The following SRGAP1 variants were observed in gnomAD, a reference collection of about 807,000 sequenced individuals.
The protein encoded by SRGAP1 is SLIT-ROBO Rho GTPase activating protein 1, also known as SLIT-ROBO Rho GTPase-activating protein 1.
SRGAP1 carries 43 observed loss-of-function variants against 121.9 expected under a neutral mutation model. That is an observed-to-expected ratio of 0.35 (90% confidence interval 0.28 to 0.46). The LOEUF (loss-of-function observed/expected upper bound fraction) is 0.46, where lower values mean the gene tolerates loss of function less well. Ranked by LOEUF, SRGAP1 falls within the 20% of genes least tolerant of loss-of-function variation. The probability of loss-of-function intolerance (pLI) is 1.00; values close to 1 mark genes in which losing one functional copy is unlikely to be tolerated. For synonymous variants in SRGAP1, 447 were observed against 485.4 expected (o/e 0.92, Z 1.04); for missense variants, 1,102 against 1,350.9 (o/e 0.82, Z 2.89).
chr12:63,962,896 G>A (rs1293736432), intron 1 of SRGAP1, among the ~76,000 whole-genome samples: 1 of 152,034 alleles, frequency 6.6e-6, no homozygotes, highest in African/African-American at 2.4e-5. Flanking sequence ...AATCATAAAA[G>A]CATAAAATTA....
intron 1 of SRGAP1, among the ~76,000 whole-genome samples, chr12:63,974,769 C>T (rs941835154): frequency 6.6e-6 from 1 of 152,154 alleles, no homozygotes; most frequent in Non-Finnish European, 1.5e-5. Flanking sequence ...TTCCTTAAGA[C>T]AGTGACCTGG....
At chr12:63,893,437 C>T (rs1028685198) in intron 1 of SRGAP1, among the ~76,000 whole-genome samples, 3 of 152,096 alleles carry the variant, frequency 2.0e-5, no homozygotes, top group African/African-American at 7.2e-5. Context: ...TGCAAGGTGG[C>T]AAGGGTTTCA....
rs1555168795 is a variant in SRGAP1, at chr12:64,041,358, A to ATTTT, written c.490-1431_490-1428dup. Among the ~76,000 whole-genome samples, 15 of 138,016 alleles carry ATTTT rather than the reference A, an allele frequency of 1.1e-4. No individual in the cohort carries two copies. The South Asian group carries it at 1.6e-3, about 15-fold the overall frequency. The allele number at this position is 138,016 out of a possible 152,430, so 90.5% of individuals were successfully genotyped here. A position where few individuals can be genotyped will look rare whatever the true frequency, so the allele number is the denominator to read the frequency against. ...AGAGAGAAATCATATATGGCATTTT[A>ATTTT]TTTTATTTATTTATTTATTTATTTA... On this transcript the variant is annotated intron_variant, in intron 4 of 21. Transcript: ENST00000355086.
intron 1 of SRGAP1, among the ~76,000 whole-genome samples, chr12:63,936,121 T>A (rs916650651): frequency 2.0e-5 from 3 of 152,016 alleles, no homozygotes; most frequent in Admixed American, 6.5e-5. Context: ...GTTATTTTTT[T>A]AAAAAGAGAC....
chr12:64,069,448 T>C (rs1176141919), intron 8 of SRGAP1, among the ~76,000 whole-genome samples: 1 of 152,216 alleles, frequency 6.6e-6, no homozygotes, highest in Non-Finnish European at 1.5e-5. Context: ...TTGAGTTTTA[T>C]TTTATGCTGC....
chr12:64,103,207 C>A (rs2036287403), intron 15 of SRGAP1, among the ~76,000 whole-genome samples: 1 of 152,118 alleles, frequency 6.6e-6, no homozygotes, highest in African/African-American at 2.4e-5. Flanking sequence ...GTCTTGAACT[C>A]CTGGACTCAA....
chr12:64,034,724 T>C (rs2034860208), intron 4 of SRGAP1, among the ~76,000 whole-genome samples: 1 of 152,110 alleles, frequency 6.6e-6, no homozygotes. Flanking sequence ...AGTAAGGAAA[T>C]TGAGGCACAG....
intron 4 of SRGAP1, among the ~76,000 whole-genome samples, chr12:64,025,572 G>C (rs1266546126): frequency 6.6e-6 from 1 of 152,120 alleles, no homozygotes; most frequent in Non-Finnish European, 1.5e-5. Flanking sequence ...ACTGAACAAA[G>C]GGAAATAAGG....
chr12:63,883,534 A>G (rs1253316440), intron 1 of SRGAP1, among the ~76,000 whole-genome samples: 1 of 152,214 alleles, frequency 6.6e-6, no homozygotes, highest in Non-Finnish European at 1.5e-5. Flanking sequence ...ATTGTTGAAC[A>G]TGTAAAAATG....
Position 64,087,032 on chromosome 12 carries a change from A to C in SRGAP1, c.1436+6A>C, listed in dbSNP as rs1286967763. The C allele has an allele frequency of 1.9e-6, 3 of 1,583,686 alleles. No individual in the cohort carries two copies. Among genetic ancestry groups the C allele is most frequent in the Non-Finnish European group, 2.6e-6 (3 of 1,161,330 alleles). On this transcript the variant is annotated splice_donor_region_variant and intron_variant, in intron 11 of 21. Transcript: ENST00000355086. ...GCTGAATATATGACTACAAGGTAGG[A>C]AAATATTTTATCATAACTTATAGCG... is the stretch of plus-strand genomic sequence containing the variant.
chr12:63,863,448 C>G (rs1899524539), intron 1 of SRGAP1, among the ~76,000 whole-genome samples: 1 of 151,776 alleles, frequency 6.6e-6, no homozygotes. Flanking sequence ...AATTTTGTGT[C>G]TTTAGTAGAG....
rs1491379007 is a variant in SRGAP1 at position 64,003,050 on chromosome 12, GAA to G, written c.426+12980_426+12981del. On this transcript the variant is annotated intron_variant, in intron 3 of 21. Coordinates refer to ENST00000355086, the MANE Select transcript of SRGAP1 (RefSeq NM_020762.4). ...AGAGAGAGAGAGAGAGAGAGAGAGA[GAA>G]AGAGAGAAAGAAAGGGAGGGAGGGA... 2.8e-3 allele frequency among the ~76,000 whole-genome samples: 333 copies of G among 118,064 alleles called. 1 individual carries two copies. The highest frequency in any genetic ancestry group is 0.01 in the African/African-American group (312 of 30,830). The allele number at this position is 118,064 out of a possible 152,430, so 77.5% of individuals were successfully genotyped here.
intron 1 of SRGAP1, among the ~76,000 whole-genome samples, chr12:63,893,142 C>G (rs1900644095): frequency 6.6e-6 from 1 of 152,106 alleles, no homozygotes; most frequent in Admixed American, 6.5e-5. Flanking sequence ...TTTTCCCAGC[C>G]CACTCCCCAA....
chr12:63,844,862 G>A lies in SRGAP1; in HGVS notation c.46G>A (p.Glu16Lys). 1 of 1,614,186 alleles carries A rather than the reference G, an allele frequency of 6.2e-7. No individual in the cohort carries two copies. The highest frequency in any genetic ancestry group is 8.5e-7 in the Non-Finnish European group (1 of 1,180,036). Residue 16 changes from glutamate (E) to lysine (K), a missense_variant, in exon 1 of 22, where the codon GAG becomes AAG. By Grantham distance (56) the Glu-to-Lys change is moderately conservative. Transcript: ENST00000355086. This position sits in a 1 kb window ranked among gnomAD's most constrained non-coding sequence, Gnocchi z 4.3. Reference protein sequence around the residue: ...RFKKDKEIIAEYESQVKEIRA... With the variant: ...RFKKDKEIIAKYESQVKEIRA... The stretch of plus-strand genomic sequence containing the variant: ...CAAGAAGGACAAAGAGATCATAGCC[G>A]AGTATGAAAGTCAAGTCAAAGGTAA...
intron 3 of SRGAP1, among the ~76,000 whole-genome samples, chr12:64,003,090 G>GGCAGGGAGGGAA (rs1555164469): frequency 4.2e-5 from 5 of 118,006 alleles, no homozygotes; most frequent in South Asian, 3.2e-4. Flanking sequence ...AAGGGAGGGT[G>GGCAGGGAGGGAA]GGAGGGAGGG....
Position 64,109,011 on chromosome 12 carries a change from G to A in SRGAP1, c.1893G>A (p.Met631Ile), listed in dbSNP as rs893539788. 1.3e-6 allele frequency: 2 copies of A among 1,578,778 alleles called. No homozygotes were observed. Among genetic ancestry groups the A allele is most frequent in the Admixed American group, 3.4e-5 (2 of 58,954 alleles). The change falls in exon 16 of 22, where the codon ATG becomes ATA. Residue 631 changes from methionine to isoleucine, a missense_variant. Physicochemically the swap from Met to Ile is conservative, Grantham distance 10. Coordinates refer to ENST00000355086, the MANE Select transcript of SRGAP1 (RefSeq NM_020762.4). ...TGCCCAGGTCGGTCCTTATAGTGAT[G>A]AGGTACCTCTTTGCCTTCCTCAATC... ...LTLPRSVLIV[M>I]RYLFAFLNHL...
chr12:63,908,284 A>G (rs571334388), intron 1 of SRGAP1, among the ~76,000 whole-genome samples: 3 of 152,196 alleles, frequency 2.0e-5, no homozygotes, highest in Admixed American at 1.3e-4. Flanking sequence ...CGTTGAATCT[A>G]TACATCAATT....
chr12:63,939,298 G>A (rs568665836), intron 1 of SRGAP1, among the ~76,000 whole-genome samples: 14 of 152,144 alleles, frequency 9.2e-5, no homozygotes, highest in African/African-American at 3.4e-4. Context: ...ATGTAAAGTA[G>A]AGGAGTAATA....
At chr12:64,031,237 G>A (rs1279547933) in intron 4 of SRGAP1, among the ~76,000 whole-genome samples, 1 of 150,306 alleles carries the variant, frequency 6.7e-6, no homozygotes, top group Non-Finnish European at 1.5e-5. Context: ...AGAATCACTT[G>A]AGCCTGGGAG....
Sources: allele counts gnomAD v4.1 joint callset (sites outside exome capture counted in the v4.1 genomes callset), GRCh38; gene constraint gnomAD v4.1.1; non-coding constraint Gnocchi (gnomAD v3.1); transcripts MANE v1.5; gene names NCBI Gene and HGNC (gene_info 2026-07-23, HGNC 2026-07-21).